HOMER2: variants seen among roughly 807,000 people sequenced by gnomAD.
HOMER2 encodes homer protein homolog 2.
Under a neutral mutation model 47.0 loss-of-function variants are expected in HOMER2, and 27 were observed. The ratio of observed to expected loss-of-function variants is 0.57; its 90% CI spans 0.42 to 0.79. HOMER2 has a LOEUF of 0.79. Among genes scored for constraint, HOMER2 ranks in the 30% least tolerant of loss-of-function variants. The pLI is 0.00. For synonymous variants in HOMER2, 161 were observed against 163.8 expected, an observed-to-expected ratio of 0.98 and a Z score of 0.13; for missense variants, 443 against 435.0, an observed-to-expected ratio of 1.02 and a Z score of -0.16.
chr15:82,916,008 T>A (rs2053580279), intron 1 of HOMER2, among the ~76,000 whole-genome samples: 1 of 152,230 alleles, frequency 6.6e-6, no homozygotes, highest in South Asian at 2.1e-4. Context: ...ACTTCACTGT[T>A]ACAAAATAAA....
At chr15:82,942,848 T>C (rs939013895) in intron 1 of HOMER2, among the ~76,000 whole-genome samples, 8 of 152,150 alleles carry the variant, frequency 5.3e-5, no homozygotes, top group Admixed American at 1.3e-4. Context: ...GGCTTAGCAA[T>C]ATGAGGCAAC....
intron 1 of HOMER2, among the ~76,000 whole-genome samples, chr15:82,896,699 T>A (rs1196448723): frequency 2.2e-5 from 3 of 139,008 alleles, no homozygotes; most frequent in African/African-American, 5.0e-5. Flanking sequence ...GCATTCCTCA[T>A]CCTCGAGCCC....
At chr15:82,934,132 C>A (rs992151491) in intron 1 of HOMER2, among the ~76,000 whole-genome samples, 2 of 152,176 alleles carry the variant, frequency 1.3e-5, no homozygotes, top group Non-Finnish European at 2.9e-5. Context: ...CACCGCCCCC[C>A]ACATATGCAG....
chr15:82,889,832 G>A lies in HOMER2; in HGVS notation c.162+2853C>T, dbSNP rs147649652. 5.7e-3 allele frequency among the ~76,000 whole-genome samples: 867 copies of A among 152,320 alleles called. 6 individuals carry two copies. Among genetic ancestry groups the A allele is most frequent in the Middle Eastern group, 0.017 (5 of 294 alleles). On this transcript the variant is annotated intron_variant, in intron 2 of 8. Transcript: ENST00000450735. Reference sequence around the variant, plus strand: ...GGTCGAGAGAGGGCCCAGCAGGGCTGAATGTGCATTGGGACCACTTTCCAG... The same window carrying A: ...GGTCGAGAGAGGGCCCAGCAGGGCTAAATGTGCATTGGGACCACTTTCCAG...
At chr15:82,867,782 C>G (rs1412740051) in intron 3 of HOMER2, among the ~76,000 whole-genome samples, 1 of 151,998 alleles carries the variant, frequency 6.6e-6, no homozygotes, top group Admixed American at 6.6e-5. Context: ...TCTGGGAAAC[C>G]ATTCTGCCAA....
chr15:82,978,618 A>G (rs1330322040), intron 1 of HOMER2, among the ~76,000 whole-genome samples: 2 of 152,204 alleles, frequency 1.3e-5, no homozygotes, highest in Non-Finnish European at 2.9e-5. Flanking sequence ...CTCATTTCGC[A>G]GTTCCAACAA....
chr15:82,924,148 T>C (rs937604489), intron 1 of HOMER2, among the ~76,000 whole-genome samples: 3 of 152,136 alleles, frequency 2.0e-5, no homozygotes, highest in Non-Finnish European at 4.4e-5. Context: ...CACACAGAAG[T>C]AAGCAGCTAA....
chr15:82,976,639 T>C (rs1372430441), intron 1 of HOMER2, among the ~76,000 whole-genome samples: 1 of 150,612 alleles, frequency 6.6e-6, no homozygotes, highest in Non-Finnish European at 1.5e-5. Context: ...TCTGGTTGAC[T>C]CTACAATTAG....
intron 4 of HOMER2, among the ~76,000 whole-genome samples, chr15:82,859,997 C>A (rs982912890): frequency 2.0e-5 from 3 of 152,120 alleles, no homozygotes; most frequent in Non-Finnish European, 2.9e-5. Context: ...CCTGTAATCC[C>A]AGCACTTTGG....
intron 1 of HOMER2, among the ~76,000 whole-genome samples, chr15:82,915,125 T>C (rs2053551586): frequency 6.6e-6 from 1 of 151,042 alleles, no homozygotes; most frequent in African/African-American, 2.5e-5. Flanking sequence ...CTGAAAATTT[T>C]TTCAATTTTT....
At chr15:82,876,213 G>C (rs2052345439) in intron 2 of HOMER2, among the ~76,000 whole-genome samples, 1 of 152,228 alleles carries the variant, frequency 6.6e-6, no homozygotes, top group African/African-American at 2.4e-5. Context: ...CAGAGGGCTT[G>C]GGAGCCCACT....
intron 1 of HOMER2, among the ~76,000 whole-genome samples, chr15:82,970,092 C>A (rs889998814): frequency 1.3e-5 from 2 of 152,208 alleles, no homozygotes; most frequent in Non-Finnish European, 2.9e-5. Context: ...AAGGCTCCAT[C>A]CAGCTTATAG....
intron 1 of HOMER2, among the ~76,000 whole-genome samples, chr15:82,933,671 G>A (rs1233808312): frequency 2.0e-5 from 3 of 152,142 alleles, no homozygotes; most frequent in Admixed American, 6.5e-5. Context: ...AGAACCAAAC[G>A]CAGGGTTCTA....
At chr15:82,983,550 C>T (rs1425957778) in intron 1 of HOMER2, among the ~76,000 whole-genome samples, 1 of 151,986 alleles carries the variant, frequency 6.6e-6, no homozygotes, top group Non-Finnish European at 1.5e-5. Context: ...CCCCAATTTC[C>T]CAGGCTTAAA....
At chr15:82,892,595 A>T in intron 2 of HOMER2, 90 bp downstream of exon 2, 2 of 993,580 alleles carry the variant, frequency 2.0e-6, no homozygotes. Context: ...TTATAACAAT[A>T]ACTTATGTGT....
downstream of HOMER2, among the ~76,000 whole-genome samples, chr15:82,836,528 C>T (rs530397967): frequency 4.8e-4 from 73 of 152,378 alleles, no homozygotes; most frequent in Non-Finnish European, 9.0e-4. Flanking sequence ...CTGGCAAACC[C>T]ATGCCCATCC....
In HOMER2 at chr15:82,913,336, T is replaced by A. The variant is rs959917437; in HGVS notation, c.6-20495A>T. ...GATTTTTTTTTTTTAACAGCAAACA[T>A]TGCCTGATGTAGTCTGATCATCTTG... On this transcript the variant is annotated intron_variant, in intron 1 of 8. Coordinates refer to ENST00000450735, the MANE Select transcript of HOMER2 (RefSeq NM_004839.4). The surrounding 1 kb of genome is among the most constrained non-coding windows in gnomAD (Gnocchi z 4.1). Among the ~76,000 whole-genome samples, 1 of 152,032 alleles carries A rather than the reference T, an allele frequency of 6.6e-6. No individual in the cohort carries two copies. Among genetic ancestry groups the A allele is most frequent in the Non-Finnish European group, 1.5e-5 (1 of 67,992 alleles).
At chr15:82,971,423 C>T (rs1473790612) in intron 1 of HOMER2, among the ~76,000 whole-genome samples, 1 of 152,082 alleles carries the variant, frequency 6.6e-6, no homozygotes, top group African/African-American at 2.4e-5. Flanking sequence ...CATACACACA[C>T]ACACACACAC....
At chr15:82,937,766 T>C (rs1475575520) in intron 1 of HOMER2, among the ~76,000 whole-genome samples, 1 of 152,196 alleles carries the variant, frequency 6.6e-6, no homozygotes, top group African/African-American at 2.4e-5. Context: ...CCCAGGGCTG[T>C]GGATGGCAAA....
Sources: gnomAD v4.1 joint callset for allele counts (sites outside exome capture counted in the v4.1 genomes callset) on GRCh38, gnomAD v4.1.1 for gene constraint, Gnocchi (gnomAD v3.1) non-coding constraint, MANE v1.5 for transcripts, NCBI Gene and HGNC (gene_info 2026-07-23, HGNC 2026-07-21) for gene names.